Variants in HEMK2 observed in about 807,000 individuals in gnomAD.
HEMK2 encodes the protein HemK methyltransferase 2, ETF1 glutamine and histone H4 lysine.
At chr21:28,832,945 G>T in the HEMK2 span, among the ~76,000 whole-genome samples, 19 of 152,300 alleles carry the variant, frequency 1.2e-4, no homozygotes, top group Non-Finnish European at 2.2e-4. Context: ...CATGTGCTAG[G>T]TGTTGAACTA....
chr21:28,741,338 G>C, the HEMK2 span, among the ~76,000 whole-genome samples: 1 of 152,206 alleles, frequency 6.6e-6, no homozygotes, highest in Admixed American at 6.5e-5. Context: ...AGGCAGGAGA[G>C]AGAAAATGTG....
chr21:28,877,170 GAAA>G, the HEMK2 span, among the ~76,000 whole-genome samples: 1 of 122,774 alleles, frequency 8.1e-6, no homozygotes, highest in African/African-American at 3.1e-5. Context: ...GAGAAAGAAA[GAAA>G]GAAAGAGAGG....
chr21:28,580,286 G>A, the HEMK2 span, among the ~76,000 whole-genome samples: 3 of 152,230 alleles, frequency 2.0e-5, no homozygotes, highest in African/African-American at 7.2e-5. Flanking sequence ...CAGTCTCTTG[G>A]CCTGTTCCCA....
the HEMK2 span, chr21:28,880,022 T>C: frequency 9.0e-7 from 1 of 1,110,804 alleles, no homozygotes. Context: ...AAATTAATCT[T>C]TAAAAATAAT....
chr21:28,690,841 C>A, the HEMK2 span, among the ~76,000 whole-genome samples: 1 of 152,198 alleles, frequency 6.6e-6, no homozygotes, highest in African/African-American at 2.4e-5. Flanking sequence ...CCATCTCCTT[C>A]TTTTCCTTAC....
chr21:28,684,854 T>C, the HEMK2 span, among the ~76,000 whole-genome samples: 1 of 152,226 alleles, frequency 6.6e-6, no homozygotes, highest in Non-Finnish European at 1.5e-5. Context: ...GGAATGGTTA[T>C]GCACACTTAG....
chr21:28,683,827 G>A, the HEMK2 span, among the ~76,000 whole-genome samples: 4 of 152,102 alleles, frequency 2.6e-5, no homozygotes, highest in African/African-American at 9.7e-5. Context: ...TGCAAAGAAA[G>A]ACTGTGAGCA....
chr21:28,885,324 T>C, the HEMK2 span: 368 of 1,583,516 alleles, frequency 2.3e-4, no homozygotes, highest in Non-Finnish European at 2.7e-4. Context: ...TGGAACGGCG[T>C]AGCGAAGTTC....
the HEMK2 span, among the ~76,000 whole-genome samples, chr21:28,607,503 A>G: frequency 6.6e-6 from 1 of 152,226 alleles, no homozygotes. Context: ...GGCAGAGAAG[A>G]GATCAACTAG....
the HEMK2 span, among the ~76,000 whole-genome samples, chr21:28,807,226 T>C: frequency 1.3e-5 from 2 of 152,166 alleles, no homozygotes; most frequent in Non-Finnish European, 2.9e-5. Flanking sequence ...TTGAATTCAT[T>C]GCCTGCCCAT....
Sources: allele counts gnomAD v4.1 joint callset (sites outside exome capture counted in the v4.1 genomes callset), GRCh38; gene constraint gnomAD v4.1.1; transcripts MANE v1.5; gene names NCBI Gene and HGNC (gene_info 2026-07-23, HGNC 2026-07-21).